WDFY2: variants seen among roughly 807,000 people sequenced by gnomAD.
WDFY2 encodes the protein WD repeat and FYVE domain-containing protein 2.
WDFY2 carries 36 observed loss-of-function variants against 56.4 expected under a neutral mutation model. The ratio of observed to expected loss-of-function variants is 0.64; its 90% CI spans 0.49 to 0.84. WDFY2 has a LOEUF of 0.84. WDFY2 is among the 40% of genes least tolerant of loss of function. The pLI is 0.00. For synonymous variants in WDFY2, 176 were observed against 183.7 expected (o/e 0.96, Z 0.34); for missense variants, 444 against 512.2 (o/e 0.87, Z 1.29).
At chr13:51,659,331 AG>A (rs1048449963) in intron 1 of WDFY2, among the ~76,000 whole-genome samples, 1 of 152,216 alleles carries the variant, frequency 6.6e-6, no homozygotes, top group African/African-American at 2.4e-5. Context: ...TAGTATCTTT[AG>A]GAAGTATCCA....
chr13:51,641,019 A>G (rs2138402494), intron 1 of WDFY2, among the ~76,000 whole-genome samples: 1 of 152,212 alleles, frequency 6.6e-6, no homozygotes, highest in East Asian at 1.9e-4. Flanking sequence ...AGTGGAAGTT[A>G]TTTTCTAAAA....
intron 7 of WDFY2, among the ~76,000 whole-genome samples, chr13:51,744,573 T>C (rs1593471293): frequency 6.6e-6 from 1 of 152,208 alleles, no homozygotes. Context: ...CCTCCAATTA[T>C]ATGTTTGGAC....
Position 51,584,668 on chromosome 13 carries a change from C to G in WDFY2, c.-20C>G. The G allele has an allele frequency of 1.2e-6, 2 of 1,605,062 alleles. No homozygotes were observed. The highest frequency in any genetic ancestry group is 1.7e-6 in the Non-Finnish European group (2 of 1,176,836). On this transcript the variant is annotated 5_prime_UTR_variant, in exon 1 of 12. Transcript: ENST00000298125. ...CGCGGCGCGGTTGGCGGCGGCGCCC[C>G]AGGCGCGCCCCCTCCTCCGATGGCG...
intron 3 of WDFY2, among the ~76,000 whole-genome samples, chr13:51,676,462 A>G (rs1371528951): frequency 6.6e-6 from 1 of 152,212 alleles, no homozygotes; most frequent in African/African-American, 2.4e-5. Flanking sequence ...AGATTGGAGG[A>G]TGAGACCATA....
chr13:51,695,482 G>C (rs563544707), intron 3 of WDFY2, among the ~76,000 whole-genome samples: 1 of 152,304 alleles, frequency 6.6e-6, no homozygotes, highest in Admixed American at 6.5e-5. Context: ...CAGCAGCGAT[G>C]GCTGGAGAAC....
intron 2 of WDFY2, among the ~76,000 whole-genome samples, chr13:51,665,980 G>A (rs1955693675): frequency 6.6e-6 from 1 of 152,172 alleles, no homozygotes; most frequent in Non-Finnish European, 1.5e-5. Flanking sequence ...CCTTGGCCTG[G>A]TGGGATGGCA....
At chr13:51,745,609 A>C (rs1953076768) in intron 7 of WDFY2, among the ~76,000 whole-genome samples, 1 of 152,022 alleles carries the variant, frequency 6.6e-6, no homozygotes, top group Non-Finnish European at 1.5e-5. Flanking sequence ...GCTAGACAAC[A>C]CCTGAAGTTC....
chr13:51,664,788 C>T (rs1955672389), intron 2 of WDFY2, among the ~76,000 whole-genome samples: 1 of 152,098 alleles, frequency 6.6e-6, no homozygotes, highest in Non-Finnish European at 1.5e-5. Context: ...TGAGTCATGG[C>T]CCTATTGGTG....
intron 3 of WDFY2, among the ~76,000 whole-genome samples, chr13:51,680,706 CT>C (rs1955962967): frequency 6.6e-6 from 1 of 152,152 alleles, no homozygotes; most frequent in Admixed American, 6.5e-5. Context: ...TCAAAATCCT[CT>C]TGTGGGAGAT....
chr13:51,623,771 A>T (rs1448982711), intron 1 of WDFY2, among the ~76,000 whole-genome samples: 2 of 151,030 alleles, frequency 1.3e-5, no homozygotes, highest in African/African-American at 4.9e-5. Flanking sequence ...AATTTTGGTT[A>T]TTCTGTGGTT....
chr13:51,638,066 G>A (rs771566409), intron 1 of WDFY2, among the ~76,000 whole-genome samples: 1 of 152,230 alleles, frequency 6.6e-6, no homozygotes, highest in Non-Finnish European at 1.5e-5. Context: ...TCTGACAAGA[G>A]TAGTTTACTA....
At chr13:51,740,497 C>T (rs1189474105) in intron 7 of WDFY2, among the ~76,000 whole-genome samples, 1 of 152,160 alleles carries the variant, frequency 6.6e-6, no homozygotes, top group African/African-American at 2.4e-5. Flanking sequence ...GGGCGGATCA[C>T]AAGGTCAAGA....
chr13:51,732,155 G>C (rs538886639), intron 6 of WDFY2, among the ~76,000 whole-genome samples: 5 of 152,044 alleles, frequency 3.3e-5, no homozygotes, highest in Admixed American at 6.5e-5. Context: ...TTTTGAGACA[G>C]AATCTCGCTC....
At chr13:51,683,026 T>G (rs1173577964) in intron 3 of WDFY2, among the ~76,000 whole-genome samples, 1 of 152,218 alleles carries the variant, frequency 6.6e-6, no homozygotes, top group Non-Finnish European at 1.5e-5. Flanking sequence ...AAGGAGTTTC[T>G]TATCCAAGTT....
chr13:51,749,481 A>G (rs1270776705), intron 7 of WDFY2, among the ~76,000 whole-genome samples: 1 of 152,192 alleles, frequency 6.6e-6, no homozygotes, highest in African/African-American at 2.4e-5. Context: ...TATATTTCAT[A>G]GAGAAAATTA....
chr13:51,660,357 C>G (rs1349782027), intron 1 of WDFY2, among the ~76,000 whole-genome samples: 1 of 151,170 alleles, frequency 6.6e-6, no homozygotes, highest in Non-Finnish European at 1.5e-5. Flanking sequence ...CCACTACTCT[C>G]AGCTAATTTT....
At chr13:51,639,107 G>T (rs1955108718) in intron 1 of WDFY2, among the ~76,000 whole-genome samples, 1 of 152,006 alleles carries the variant, frequency 6.6e-6, no homozygotes, top group Admixed American at 6.5e-5. Context: ...ATAATGAATT[G>T]TCTCTGGCAA....
intron 11 of WDFY2, among the ~76,000 whole-genome samples, chr13:51,759,378 CATGTTGGCTCATCGA>C (rs1953506707): frequency 6.6e-6 from 1 of 152,208 alleles, no homozygotes; most frequent in Admixed American, 6.5e-5. Context: ...TTGTCGCTTT[CATGTTGGCTCATCGA>C]ATGCTGCCTC....
chr13:51,756,144 C>T (rs1455728410), intron 9 of WDFY2, among the ~76,000 whole-genome samples, 188 bp from the exon 10 acceptor site: 1 of 151,892 alleles, frequency 6.6e-6, no homozygotes, highest in Admixed American at 6.6e-5. Flanking sequence ...ACCCAACAGT[C>T]CTTGTTGAAT....
Sources: allele counts gnomAD v4.1 joint callset (sites outside exome capture counted in the v4.1 genomes callset), GRCh38; gene constraint gnomAD v4.1.1; transcripts MANE v1.5; gene names NCBI Gene and HGNC (gene_info 2026-07-23, HGNC 2026-07-21).